The following DRC11L variants were observed in gnomAD, a reference collection of about 807,000 sequenced individuals.
The protein encoded by DRC11L is dynein regulatory complex subunit 11 like.
the DRC11L span, among the ~76,000 whole-genome samples, chr7:151,203,741 G>C: frequency 1.3e-5 from 2 of 152,158 alleles, no homozygotes; most frequent in Non-Finnish European, 2.9e-5. Context: ...CATGGTAGGT[G>C]GCAGTGGTCT....
the DRC11L span, among the ~76,000 whole-genome samples, chr7:151,203,823 T>C: frequency 6.6e-6 from 1 of 152,186 alleles, no homozygotes; most frequent in Non-Finnish European, 1.5e-5. Context: ...CTCAGACTAC[T>C]ACATCAGAAT....
chr7:151,193,845 T>C, the DRC11L span, among the ~76,000 whole-genome samples: 1 of 150,748 alleles, frequency 6.6e-6, no homozygotes, highest in East Asian at 2.0e-4. Flanking sequence ...AGGTGGAGTT[T>C]GCAGTGAGCT....
At chr7:151,204,835 C>T in the DRC11L span, 11 of 398,994 alleles carry the variant, frequency 2.8e-5, no homozygotes, top group Non-Finnish European at 4.9e-5. Flanking sequence ...CGCTGGTAAG[C>T]TCTGGGGAGA....
At chr7:151,201,623 T>C in the DRC11L span, among the ~76,000 whole-genome samples, 1 of 152,220 alleles carries the variant, frequency 6.6e-6, no homozygotes, top group Non-Finnish European at 1.5e-5. This position sits in a 1 kb window ranked among gnomAD's most constrained non-coding sequence, Gnocchi z 4.1. Context: ...TGCTTTTGTC[T>C]TTTGGTGGGA....
chr7:151,192,338 C>A, the DRC11L span: 2 of 399,102 alleles, frequency 5.0e-6, no homozygotes, highest in Non-Finnish European at 8.8e-6. Flanking sequence ...CCGGCACAGA[C>A]CCCGCATCTC....
the DRC11L span, among the ~76,000 whole-genome samples, chr7:151,202,677 C>T: frequency 5.9e-5 from 9 of 152,230 alleles, no homozygotes; most frequent in African/African-American, 1.9e-4. Flanking sequence ...CATGGTGAAA[C>T]CCATCTCTAC....
chr7:151,199,128 C>T, the DRC11L span: 1 of 398,078 alleles, frequency 2.5e-6, no homozygotes, highest in Non-Finnish European at 4.4e-6. This position sits in a 1 kb window ranked among gnomAD's most constrained non-coding sequence, Gnocchi z 5.2. Flanking sequence ...CACGCTCACA[C>T]AAGGCCTCAC....
chr7:151,194,867 A>C, the DRC11L span, among the ~76,000 whole-genome samples: 4 of 152,174 alleles, frequency 2.6e-5, no homozygotes, highest in Admixed American at 6.5e-5. Context: ...CCTCTGTGAC[A>C]CTCATTAGTC....
the DRC11L span, chr7:151,191,701 A>G: frequency 0.76 from 304,092 of 399,104 alleles, 116,384 homozygotes; most frequent in African/African-American, 0.81. Context: ...CCAGGAACTC[A>G]GAGGCCACCA....
the DRC11L span, among the ~76,000 whole-genome samples, chr7:151,201,586 A>G: frequency 6.6e-6 from 1 of 152,236 alleles, no homozygotes; most frequent in Non-Finnish European, 1.5e-5. This position sits in a 1 kb window ranked among gnomAD's most constrained non-coding sequence, Gnocchi z 4.1. Flanking sequence ...TCTTCATAGA[A>G]TCACTATTGT....
chr7:151,190,921 C>A, the DRC11L span: 1 of 399,336 alleles, frequency 2.5e-6, no homozygotes, highest in Non-Finnish European at 4.4e-6. Context: ...CATCCCTTTA[C>A]CCTTGGGCCA....
chr7:151,204,097 C>T, the DRC11L span, among the ~76,000 whole-genome samples: 9 of 152,168 alleles, frequency 5.9e-5, no homozygotes, highest in Admixed American at 2.0e-4. Flanking sequence ...GATGTCAATG[C>T]TGCTGGTCCA....
chr7:151,202,068 G>A, the DRC11L span, among the ~76,000 whole-genome samples: 256 of 152,322 alleles, frequency 1.7e-3, 2 homozygotes, highest in African/African-American at 5.7e-3. Context: ...AATGCTCGGG[G>A]AACCTTAGGG....
chr7:151,194,835 A>G, the DRC11L span, among the ~76,000 whole-genome samples: 1,227 of 152,328 alleles, frequency 8.1e-3, 19 homozygotes, highest in African/African-American at 0.027. Context: ...GCTCTGTAAG[A>G]GGGGTGTGAG....
chr7:151,195,608 GTCCACAGCCAGACGGAGCT>G, the DRC11L span: 1 of 399,626 alleles, frequency 2.5e-6, no homozygotes, highest in Non-Finnish European at 4.4e-6. Context: ...CTTCCTCCTT[GTCCACAGCCAGACGGAGCT>G]TCCTCAGCTC....
At chr7:151,202,257 G>C in the DRC11L span, among the ~76,000 whole-genome samples, 7 of 152,288 alleles carry the variant, frequency 4.6e-5, no homozygotes, top group African/African-American at 1.4e-4. Context: ...GGAGGCTCAG[G>C]ATCCTTTCTT....
At chr7:151,200,813 C>T in the DRC11L span, among the ~76,000 whole-genome samples, 1 of 152,212 alleles carries the variant, frequency 6.6e-6, no homozygotes, top group Non-Finnish European at 1.5e-5. Flanking sequence ...CTTGATTCCA[C>T]CCAGGCACAT....
the DRC11L span, among the ~76,000 whole-genome samples, chr7:151,202,025 G>A: frequency 6.6e-6 from 1 of 152,208 alleles, no homozygotes; most frequent in African/African-American, 2.4e-5. Flanking sequence ...GCTGTCCAGA[G>A]CAAAGGAGAC....
At chr7:151,203,123 G>A in the DRC11L span, 1 of 399,016 alleles carries the variant, frequency 2.5e-6, no homozygotes, top group Non-Finnish European at 4.4e-6. Flanking sequence ...CAAAAGAGCA[G>A]GAGCACATGA....
Sources: gnomAD v4.1 joint callset for allele counts (sites outside exome capture counted in the v4.1 genomes callset) on GRCh38, gnomAD v4.1.1 for gene constraint, Gnocchi (gnomAD v3.1) non-coding constraint, MANE v1.5 for transcripts, NCBI Gene and HGNC (gene_info 2026-07-23, HGNC 2026-07-21) for gene names.